ACOX1: variants seen among roughly 807,000 people sequenced by gnomAD.
The protein encoded by ACOX1 is acyl-CoA oxidase 1.
ACOX1 carries 41 observed loss-of-function variants against 75.5 expected under a neutral mutation model. That is an observed-to-expected ratio of 0.54 (90% CI 0.42 to 0.70). The LOEUF (loss-of-function observed/expected upper bound fraction) is 0.70, where lower values mean the gene tolerates loss of function less well. ACOX1 is among the 30% of genes least tolerant of loss of function. The pLI, the probability that ACOX1 is intolerant of heterozygous loss-of-function variation, is 0.00. For synonymous variants in ACOX1, 303 were observed against 298.8 expected (o/e 1.01, Z -0.15); for missense variants, 630 against 837.5 (o/e 0.75, Z 3.06).
intron 7 of ACOX1, among the ~76,000 whole-genome samples, chr17:75,952,614 A>C (rs1015246806): frequency 2.0e-5 from 3 of 151,814 alleles, no homozygotes; most frequent in African/African-American, 7.3e-5. Flanking sequence ...ATTAACTTTT[A>C]ATTTTTTTGA....
At chr17:75,958,733 G>A (rs1303599559) in intron 3 of ACOX1, among the ~76,000 whole-genome samples, 8 of 151,344 alleles carry the variant, frequency 5.3e-5, no homozygotes, top group East Asian at 1.9e-4. Flanking sequence ...GCGTGAACCC[G>A]GAAGGTGGAG....
At chr17:75,949,965 C>T (rs2065759509) in intron 9 of ACOX1, 68 bp from the exon 10 acceptor site, 4 of 1,564,448 alleles carry the variant, frequency 2.6e-6, no homozygotes, top group Non-Finnish European at 3.5e-6. Context: ...GATGGAGTTT[C>T]ATTCTTGTTG....
intron 5 of ACOX1, 36 bp downstream of exon 5, chr17:75,955,792 T>C: frequency 6.2e-7 from 1 of 1,614,124 alleles, no homozygotes; most frequent in Non-Finnish European, 8.5e-7. Context: ...GTGCTCAGTT[T>C]CATTTTCATC....
intron 7 of ACOX1, 132 bp downstream of exon 7, chr17:75,953,319 A>G: frequency 1.1e-6 from 1 of 942,986 alleles, no homozygotes; most frequent in Non-Finnish European, 1.7e-6. Context: ...ATGAAATTAC[A>G]GGCCCAGTTA....
At chr17:75,953,186 C>T in intron 7 of ACOX1, 1 of 365,142 alleles carries the variant, frequency 2.7e-6, no homozygotes, top group Admixed American at 3.7e-5. Flanking sequence ...AATATTATTA[C>T]TATTTTTCTT....
intron 6 of ACOX1, among the ~76,000 whole-genome samples, chr17:75,955,062 G>A (rs1007179121): frequency 1.3e-5 from 2 of 151,668 alleles, no homozygotes; most frequent in Non-Finnish European, 2.9e-5. Context: ...TAGAGATGGG[G>A]TTTCACCATG....
At chr17:75,952,970 T>C (rs939777023) in intron 7 of ACOX1, among the ~76,000 whole-genome samples, 1 of 152,084 alleles carries the variant, frequency 6.6e-6, no homozygotes, top group African/African-American at 2.4e-5. Context: ...CTACCACACC[T>C]GGCCAGTTTC....
intron 2 of ACOX1, among the ~76,000 whole-genome samples, chr17:75,977,900 T>C (rs2066069788): frequency 6.6e-6 from 1 of 152,206 alleles, no homozygotes; most frequent in Admixed American, 6.5e-5. Flanking sequence ...AAAATGATTC[T>C]GCATTTAAAT....
At chr17:75,967,669 T>TAC (rs1555618946) in intron 2 of ACOX1, among the ~76,000 whole-genome samples, 4 of 96,256 alleles carry the variant, frequency 4.2e-5, no homozygotes, top group African/African-American at 2.8e-4. Flanking sequence ...TACATATATA[T>TAC]ACATATATAT....
chr17:75,967,594 A>G (rs2065943244), intron 2 of ACOX1, among the ~76,000 whole-genome samples: 1 of 146,894 alleles, frequency 6.8e-6, no homozygotes, highest in African/African-American at 2.5e-5. Flanking sequence ...AATTTAAAAA[A>G]TCGAAATATA....
rs780502348 is a variant in ACOX1, at chr17:75,955,841, A to T, written c.645T>A (p.His215Gln). Reference sequence around the variant, plus strand: ...AACAGTTCTTACCTGGCAAAGGCTTATGGGTCCCGATTTCACGAATAGGTA... The same window carrying T: ...AACAGTTCTTACCTGGCAAAGGCTTTTGGGTCCCGATTTCACGAATAGGTA... ...FIVPIREIGT[H>Q]KPLPGITVGD... is the part of the protein sequence containing the mutation. Residue 215 changes from histidine (H) to glutamine (Q), a missense_variant, in exon 5 of 14, where the codon CAT becomes CAA. This residue lies in a region of ACOX1 where 390 missense variants were observed against 574.9 expected (regional missense o/e 0.68). Transcript: ENST00000293217. 6.2e-7 allele frequency: 1 copy of T among 1,614,142 alleles called. No homozygotes were observed. The highest frequency in any genetic ancestry group is 8.5e-7 in the Non-Finnish European group (1 of 1,180,020).
chr17:75,967,050 CTT>C (rs1208180252), intron 2 of ACOX1, among the ~76,000 whole-genome samples: 5 of 147,680 alleles, frequency 3.4e-5, no homozygotes, highest in Non-Finnish European at 6.0e-5. Context: ...GAGTGAGACT[CTT>C]GTCTCTCAAA....
rs2065702839 is a variant in ACOX1, at chr17:75,944,587, T to G, written c.*2161A>C. The G allele has an allele frequency of 6.6e-6, 1 of 152,234 alleles. No homozygotes were observed. The highest frequency in any genetic ancestry group is 1.5e-5 in the Non-Finnish European group (1 of 68,044). The allele number at this position is 152,234 out of a possible 1,614,324, so 9.4% of individuals were successfully genotyped here. ...CTAATAAACCTCTATTCTAAATTTC[T>G]TCATAATTTAAACCTATGTTTAGTT... On this transcript the variant is annotated 3_prime_UTR_variant, in exon 14 of 14. Coordinates refer to ENST00000293217, the MANE Select transcript of ACOX1 (RefSeq NM_004035.7).
intron 3 of ACOX1, among the ~76,000 whole-genome samples, chr17:75,958,179 C>T (rs558579755): frequency 2.1e-4 from 32 of 149,366 alleles, no homozygotes; most frequent in African/African-American, 7.2e-4. Context: ...ATGGTGAAAC[C>T]CGTCTCTACT....
At chr17:75,968,087 C>T (rs974876507) in intron 2 of ACOX1, among the ~76,000 whole-genome samples, 3 of 151,440 alleles carry the variant, frequency 2.0e-5, no homozygotes, top group South Asian at 2.1e-4. Flanking sequence ...AATCAAAACA[C>T]GTAATAACAT....
chr17:75,958,421 C>A (rs1199046655), intron 3 of ACOX1, among the ~76,000 whole-genome samples: 1 of 147,046 alleles, frequency 6.8e-6, no homozygotes, highest in Non-Finnish European at 1.5e-5. Flanking sequence ...GTAATCCCAG[C>A]ACTTTGGGAG....
chr17:75,954,304 T>C (rs113264818), intron 6 of ACOX1, among the ~76,000 whole-genome samples: 9,469 of 148,282 alleles, frequency 0.064, 897 homozygotes, highest in African/African-American at 0.21. Flanking sequence ...GAGGGTCCCC[T>C]GAGGTCAGGA....
intron 2 of ACOX1, among the ~76,000 whole-genome samples, chr17:75,970,624 T>G (rs920131456): frequency 3.9e-5 from 6 of 152,232 alleles, no homozygotes; most frequent in African/African-American, 1.4e-4. Context: ...GCCCCTTCAC[T>G]TCTCAGCAGC....
At chr17:75,970,184 C>CAAAAAAAAAATAAAAAA (rs2065980039) in intron 2 of ACOX1, among the ~76,000 whole-genome samples, 1 of 69,094 alleles carries the variant, frequency 1.4e-5, no homozygotes, top group African/African-American at 6.0e-5. Context: ...GAGACTCCTT[C>CAAAAAAAAAATAAAAAA]AAAAAAAAAA....
Sources: allele counts gnomAD v4.1 joint callset (sites outside exome capture counted in the v4.1 genomes callset), GRCh38; gene constraint gnomAD v4.1.1; regional missense constraint gnomAD v4.1.1; transcripts MANE v1.5; gene names NCBI Gene and HGNC (gene_info 2026-07-23, HGNC 2026-07-21).